The following ECE1 variants were observed in gnomAD, a reference collection of about 807,000 sequenced individuals.
The protein encoded by ECE1 is endothelin converting enzyme 1, also known as endothelin-converting enzyme 1.
A neutral mutation model predicts 98.6 loss-of-function variants in ECE1; 35 were observed. The observed-to-expected ratio is 0.35, with a 90% CI of 0.27 to 0.47. The LOEUF is 0.47. ECE1 is among the 20% of genes least tolerant of loss of function. The pLI is 1.00. For synonymous variants in ECE1, 394 were observed against 407.1 expected (o/e 0.97, Z 0.39); for missense variants, 814 against 1,025.3 (o/e 0.79, Z 2.81).
At chr1:21,278,518 T>A (rs1473325509) in intron 3 of ECE1, among the ~76,000 whole-genome samples, 3 of 152,220 alleles carry the variant, frequency 2.0e-5, no homozygotes, top group Admixed American at 2.0e-4. Context: ...TTGAGCCCAG[T>A]AGCCTGTGGG....
At chr1:21,256,235 G>C (rs1020186764) in intron 7 of ECE1, 97 bp from the exon 8 acceptor site, 7 of 1,404,390 alleles carry the variant, frequency 5.0e-6, no homozygotes, top group Non-Finnish European at 9.6e-7. Flanking sequence ...CCGGCACAGG[G>C]AGCCAGGGGG....
rs966681077 is a variant in ECE1 at position 21,334,965 on chromosome 1, G to A, written c.3+10411C>T. Among the ~76,000 whole-genome samples, 5 of 152,066 alleles carry A rather than the reference G, an allele frequency of 3.3e-5. No individual in the cohort carries two copies. In the East Asian group the frequency reaches 9.7e-4, roughly 30 times the overall value. On this transcript the variant is annotated intron_variant, in intron 1 of 18. Transcript: ENST00000415912. ...AAACCAAGCCCAGTCGCCCCTCAAC[G>A]TGGGGTCCTCCAGTGGCTTCCCACC...
At chr1:21,266,012 C>G (rs1287005968) in intron 4 of ECE1, 2 of 152,230 alleles carry the variant, frequency 1.3e-5, no homozygotes, top group Non-Finnish European at 2.9e-5. Context: ...ACCCCAAAGT[C>G]CCAGAGAGGA....
At chr1:21,265,571 T>C (rs1034063831) in intron 4 of ECE1, among the ~76,000 whole-genome samples, 1 of 152,100 alleles carries the variant, frequency 6.6e-6, no homozygotes, top group Non-Finnish European at 1.5e-5. Context: ...ACAGACCTTT[T>C]TCTGAATAAG....
At position 21,345,445 on chromosome 1, in the gene ECE1, T is replaced by C. The variant is rs1191103972; in HGVS notation, c.-67A>G. The C allele has an allele frequency of 5.5e-6, 7 of 1,278,542 alleles. No individual in the cohort carries two copies. The highest frequency in any genetic ancestry group is 7.0e-6 in the Non-Finnish European group (7 of 996,316). The allele number at this position is 1,278,542 out of a possible 1,614,324, so 79.2% of individuals were successfully genotyped here. ...CCGGCTCCCGATTCCCAGCTCCGGG[T>C]TCCCTGCTCCCAGCCCAGCTGCTCG... On this transcript the variant is annotated 5_prime_UTR_variant, in exon 1 of 19. Transcript: ENST00000415912. The surrounding 1 kb of genome is among the most constrained non-coding windows in gnomAD (Gnocchi z 5.1).
intron 1 of ECE1, among the ~76,000 whole-genome samples, chr1:21,310,527 G>A (rs1215469735): frequency 6.6e-6 from 1 of 152,094 alleles, no homozygotes; most frequent in Non-Finnish European, 1.5e-5. Context: ...AATTGGGGAG[G>A]AACAATTCCC....
chr1:21,255,814 G>T, intron 8 of ECE1, 133 bp downstream of exon 8: 1 of 995,432 alleles, frequency 1.0e-6, no homozygotes, highest in Non-Finnish European at 1.5e-6. Flanking sequence ...TGTGGACTGG[G>T]CATAACAACC....
At chr1:21,262,838 G>A (rs570591113) in intron 4 of ECE1, among the ~76,000 whole-genome samples, 10 of 152,348 alleles carry the variant, frequency 6.6e-5, no homozygotes, top group African/African-American at 1.9e-4. Context: ...CCACCTGGGT[G>A]CCACGCTCAC....
At chr1:21,274,491 G>C (rs927733969) in intron 3 of ECE1, among the ~76,000 whole-genome samples, 3 of 152,224 alleles carry the variant, frequency 2.0e-5, no homozygotes, top group Non-Finnish European at 4.4e-5. Flanking sequence ...AAGAAAGGTA[G>C]GACCAATTTC....
chr1:21,232,840 G>GC (rs2098183510), intron 14 of ECE1, among the ~76,000 whole-genome samples: 1 of 151,998 alleles, frequency 6.6e-6, no homozygotes, highest in African/African-American at 2.4e-5. Context: ...ACCACACCCG[G>GC]TTAATTTTTG....
upstream of ECE1, chr1:21,290,620 C>T: frequency 8.9e-7 from 1 of 1,124,868 alleles, no homozygotes; most frequent in Non-Finnish European, 1.1e-6. This position sits in a 1 kb window ranked among gnomAD's most constrained non-coding sequence, Gnocchi z 7.3. Context: ...GAGTGGGGGC[C>T]CCCAAACTGA....
chr1:21,237,843 C>A (rs1413172510), intron 11 of ECE1, among the ~76,000 whole-genome samples: 1 of 152,266 alleles, frequency 6.6e-6, no homozygotes, highest in Non-Finnish European at 1.5e-5. Context: ...AACATTCTCT[C>A]TGGGTCGTTC....
intron 2 of ECE1, among the ~76,000 whole-genome samples, chr1:21,281,025 C>A (rs189809536): frequency 6.6e-6 from 1 of 152,152 alleles, no homozygotes; most frequent in Non-Finnish European, 1.5e-5. Flanking sequence ...CCCATCTCTA[C>A]TAAAAAACAC....
intron 7 of ECE1, among the ~76,000 whole-genome samples, chr1:21,257,029 G>A (rs1195534832): frequency 6.6e-6 from 1 of 152,160 alleles, no homozygotes; most frequent in Non-Finnish European, 1.5e-5. Context: ...GGCAGGCCAG[G>A]GGGAGGGAGA....
At position 21,272,999 on chromosome 1, in the gene ECE1, A is replaced by T. The variant is rs28367954; in HGVS notation, c.281-88T>A. ...GAAGGGGGCTTGGGGCCCAGGGGCC[A>T]CATGTCCCACCCTGGCCCTGACCAC... On this transcript the variant is annotated intron_variant, in intron 3 of 18. Transcript: ENST00000374893. 1.2e-5 allele frequency: 17 copies of T among 1,426,456 alleles called. No individual in the cohort carries two copies. The African/African-American group carries it at 2.0e-4, about 17-fold the overall frequency. The allele number at this position is 1,426,456 out of a possible 1,614,324, so 88.4% of individuals were successfully genotyped here.
At chr1:21,309,502 A>G (rs971898274) in intron 1 of ECE1, among the ~76,000 whole-genome samples, 7 of 152,208 alleles carry the variant, frequency 4.6e-5, no homozygotes, top group African/African-American at 1.4e-4. Flanking sequence ...GAATGGGTGC[A>G]TGAAGGAATG....
At chr1:21,269,996 G>C (rs1249165731) in intron 4 of ECE1, among the ~76,000 whole-genome samples, 1 of 152,162 alleles carries the variant, frequency 6.6e-6, no homozygotes, top group African/African-American at 2.4e-5. Context: ...CTCAATCTTG[G>C]CTCAGACCTA....
intron 1 of ECE1, among the ~76,000 whole-genome samples, chr1:21,297,842 G>GTT (rs761057865): frequency 1.5e-5 from 2 of 132,508 alleles, no homozygotes; most frequent in Non-Finnish European, 3.3e-5. Context: ...TGTTGTTGTT[G>GTT]TTTTTTTTTT....
intron 8 of ECE1, among the ~76,000 whole-genome samples, chr1:21,250,746 G>A (rs956446502): frequency 2.0e-5 from 3 of 152,182 alleles, no homozygotes; most frequent in South Asian, 2.1e-4. Context: ...GGTGGCTCAC[G>A]CCTGTAACCC....
Sources: gnomAD v4.1 joint callset for allele counts (sites outside exome capture counted in the v4.1 genomes callset) on GRCh38, gnomAD v4.1.1 for gene constraint, Gnocchi (gnomAD v3.1) non-coding constraint, MANE v1.5 for transcripts, NCBI Gene and HGNC (gene_info 2026-07-23, HGNC 2026-07-21) for gene names.